ASIC2: variants seen among roughly 807,000 people sequenced by gnomAD.
ASIC2 encodes the protein acid sensing ion channel subunit 2.
Under a neutral mutation model 57.3 loss-of-function variants are expected in ASIC2, and 25 were observed. That is an observed-to-expected ratio of 0.44 (90% CI 0.32 to 0.61). The LOEUF (loss-of-function observed/expected upper bound fraction) is 0.61, where lower values mean the gene tolerates loss of function less well. ASIC2 is among the 20% of genes least tolerant of loss of function. ASIC2 has a pLI of 0.06. For synonymous variants in ASIC2, 319 were observed against 307.5 expected, an observed-to-expected ratio of 1.04 and a Z score of -0.39; for missense variants, 641 against 738.1, an observed-to-expected ratio of 0.87 and a Z score of 1.52.
intron 1 of ASIC2, among the ~76,000 whole-genome samples, chr17:33,187,025 C>T (rs780865708): frequency 7.9e-5 from 12 of 152,148 alleles, no homozygotes; most frequent in Admixed American, 3.3e-4. Context: ...CTTCCCAAAG[C>T]CAAACTTCCA....
At chr17:33,078,893 TG>T (rs1480458563) in intron 3 of ASIC2, among the ~76,000 whole-genome samples, 1 of 152,190 alleles carries the variant, frequency 6.6e-6, no homozygotes, top group Non-Finnish European at 1.5e-5. Context: ...TATGAGATGA[TG>T]AGAGAGTAGG....
intron 1 of ASIC2, among the ~76,000 whole-genome samples, chr17:33,760,642 TGTATGG>T (rs1597865212): frequency 1.3e-5 from 2 of 152,000 alleles, no homozygotes; most frequent in African/African-American, 2.4e-5. Flanking sequence ...TACACAAATA[TGTATGG>T]GTATGTGGGT....
intron 3 of ASIC2, among the ~76,000 whole-genome samples, chr17:33,080,770 A>T (rs970980968): frequency 3.3e-5 from 5 of 152,214 alleles, no homozygotes; most frequent in African/African-American, 1.2e-4. Context: ...ACGGCTGCTA[A>T]GTGACCAGCA....
Position 33,564,434 on chromosome 17 carries a change from C to A in ASIC2, c.556-452367G>T, listed in dbSNP as rs555478551. Among the ~76,000 whole-genome samples, 3 of 152,364 alleles carry A rather than the reference C, an allele frequency of 2.0e-5. No homozygotes were observed. The East Asian group carries it at 5.8e-4, about 29-fold the overall frequency. ...AGCCCTTAATCCCAGAGATTAGGAT[C>A]TTTGCCAGCAGCACCAGTACAGTCC... is the stretch of plus-strand genomic sequence containing the variant. On this transcript the variant is annotated intron_variant, in intron 1 of 9. Coordinates refer to the ASIC2 transcript ENST00000359872.
rs552245770 is a variant in ASIC2, at chr17:33,981,225, C to T, written c.555+174753G>A. ...TCGGCCTCCCAAAGTGCTGGGATTA[C>T]GGGCGTGAGCCACCGCACCCAGCCC... On this transcript the variant is annotated intron_variant, in intron 1 of 9. Coordinates refer to the ASIC2 transcript ENST00000359872. 4.6e-5 allele frequency among the ~76,000 whole-genome samples: 7 copies of T among 152,268 alleles called. No individual in the cohort carries two copies. In the South Asian group the frequency reaches 1.0e-3, roughly 23 times the overall value.
intron 3 of ASIC2, among the ~76,000 whole-genome samples, chr17:33,067,624 G>A (rs1459449386): frequency 6.6e-6 from 1 of 152,166 alleles, no homozygotes; most frequent in Non-Finnish European, 1.5e-5. Context: ...ACTTCAGTAG[G>A]GAGCCACCAA....
intron 1 of ASIC2, among the ~76,000 whole-genome samples, chr17:33,941,960 A>G (rs549604609): frequency 1.6e-4 from 25 of 152,298 alleles, no homozygotes; most frequent in African/African-American, 6.0e-4. Flanking sequence ...TTGGGGAGAT[A>G]TATAACACAA....
At chr17:33,193,057 A>T (rs1454132619) in intron 1 of ASIC2, among the ~76,000 whole-genome samples, 3 of 152,204 alleles carry the variant, frequency 2.0e-5, no homozygotes. Flanking sequence ...GGAAATGTTT[A>T]ACCTACTTGA....
intron 1 of ASIC2, among the ~76,000 whole-genome samples, chr17:33,762,957 C>T (rs952858914): frequency 1.3e-5 from 2 of 152,148 alleles, no homozygotes; most frequent in African/African-American, 4.8e-5. Context: ...TTTATTTAAG[C>T]TGGTAGAGTA....
intron 1 of ASIC2, among the ~76,000 whole-genome samples, chr17:33,553,775 T>G (rs1915822485): frequency 6.6e-6 from 1 of 152,204 alleles, no homozygotes; most frequent in Admixed American, 6.5e-5. Context: ...TTATTATTAT[T>G]ATACCTATTT....
intron 1 of ASIC2, among the ~76,000 whole-genome samples, chr17:33,809,069 G>A (rs17250321): frequency 0.13 from 20,154 of 152,198 alleles, 1,428 homozygotes; most frequent in East Asian, 0.19. Context: ...GGATCAGTGG[G>A]TTCATGGCAG....
intron 1 of ASIC2, 155 bp downstream of exon 1, chr17:33,291,253 A>G: frequency 7.1e-7 from 1 of 1,402,412 alleles, no homozygotes; most frequent in Non-Finnish European, 9.3e-7. Context: ...GCAGGAGAAG[A>G]CTCAGGGGAC....
intron 1 of ASIC2, among the ~76,000 whole-genome samples, chr17:33,166,813 G>T (rs146238830): frequency 6.6e-6 from 1 of 152,168 alleles, no homozygotes; most frequent in Admixed American, 6.5e-5. Context: ...AATGCATCTC[G>T]ACAACTCATC....
intron 1 of ASIC2, among the ~76,000 whole-genome samples, chr17:33,509,866 T>C (rs1914378136): frequency 6.6e-6 from 1 of 152,336 alleles, no homozygotes; most frequent in Non-Finnish European, 1.5e-5. Context: ...GCCCTAGCCT[T>C]GCCATTACAA....
chr17:34,058,745 G>A (rs1480144564), intron 1 of ASIC2, among the ~76,000 whole-genome samples: 3 of 152,176 alleles, frequency 2.0e-5, no homozygotes, highest in Non-Finnish European at 4.4e-5. Context: ...AGGAGGGGAG[G>A]GGAGGAGAGC....
chr17:33,072,559 T>G (rs1197419515), intron 3 of ASIC2, among the ~76,000 whole-genome samples: 2 of 152,228 alleles, frequency 1.3e-5, no homozygotes, highest in South Asian at 2.1e-4. Context: ...AAGAGTGACA[T>G]AGCTGCTTCA....
At chr17:34,086,254 G>A (rs1910108923) in intron 1 of ASIC2, among the ~76,000 whole-genome samples, 1 of 151,476 alleles carries the variant, frequency 6.6e-6, no homozygotes, top group Non-Finnish European at 1.5e-5. Flanking sequence ...GTTCTCGTTG[G>A]TTTCAAAGAA....
At chr17:33,842,196 T>C (rs1469428399) in intron 1 of ASIC2, among the ~76,000 whole-genome samples, 1 of 152,140 alleles carries the variant, frequency 6.6e-6, no homozygotes, top group East Asian at 1.9e-4. Context: ...ACCCTCCCCT[T>C]AATGACTTGC....
intron 1 of ASIC2, among the ~76,000 whole-genome samples, chr17:33,707,572 T>C (rs920144329): frequency 1.3e-5 from 2 of 152,220 alleles, no homozygotes; most frequent in Non-Finnish European, 2.9e-5. Flanking sequence ...TTAAAAATCA[T>C]GTAATTCTTG....
Sources: allele counts gnomAD v4.1 joint callset (sites outside exome capture counted in the v4.1 genomes callset), GRCh38; gene constraint gnomAD v4.1.1; transcripts MANE v1.5; gene names NCBI Gene and HGNC (gene_info 2026-07-23, HGNC 2026-07-21).